CDH20: variants seen among roughly 807,000 people sequenced by gnomAD.
CDH20 encodes cadherin-20.
A neutral mutation model predicts 74.2 loss-of-function variants in CDH20; 29 were observed. The ratio of observed to expected loss-of-function variants is 0.39; its 90% CI spans 0.29 to 0.53. CDH20 has a LOEUF of 0.53. Among genes scored for constraint, CDH20 ranks in the 20% least tolerant of loss-of-function variants. CDH20 has a pLI of 0.69. For synonymous variants in CDH20, 469 were observed against 405.4 expected, an observed-to-expected ratio of 1.16 and a Z score of -1.88; for missense variants, 988 against 1,048.3, an observed-to-expected ratio of 0.94 and a Z score of 0.79.
At chr18:61,374,543 A>G (rs1478669145) in intron 1 of CDH20, among the ~76,000 whole-genome samples, 1 of 152,142 alleles carries the variant, frequency 6.6e-6, no homozygotes, top group East Asian at 1.9e-4. Flanking sequence ...TATTCTGCCC[A>G]TGTTTGTTTT....
At chr18:61,451,425 A>G (rs866766382) in intron 1 of CDH20, among the ~76,000 whole-genome samples, 51 of 152,234 alleles carry the variant, frequency 3.4e-4, no homozygotes, top group Middle Eastern at 6.8e-3. Context: ...ACATCTGGAT[A>G]GTGGGAATAC....
chr18:61,433,199 G>A (rs922787996), intron 1 of CDH20, among the ~76,000 whole-genome samples: 2 of 152,206 alleles, frequency 1.3e-5, no homozygotes, highest in Admixed American at 6.5e-5. Context: ...ACAAGGTAAT[G>A]TATATATATC....
chr18:61,454,767 CTT>C (rs1041072352), intron 1 of CDH20, among the ~76,000 whole-genome samples: 2 of 152,232 alleles, frequency 1.3e-5, no homozygotes, highest in Non-Finnish European at 2.9e-5. Flanking sequence ...TACCACCTGA[CTT>C]TGTAACTGCA....
At chr18:61,500,570 A>T in intron 4 of CDH20, 68 bp downstream of exon 4, 1 of 1,504,542 alleles carries the variant, frequency 6.6e-7, no homozygotes, top group East Asian at 2.3e-5. Context: ...GCTATGACAG[A>T]CCCAACTCTC....
chr18:61,474,422 C>G (rs1910295550), intron 1 of CDH20, among the ~76,000 whole-genome samples: 1 of 152,152 alleles, frequency 6.6e-6, no homozygotes, highest in Non-Finnish European at 1.5e-5. Context: ...CTTTAGGGCT[C>G]CATGGATTTC....
intron 8 of CDH20, among the ~76,000 whole-genome samples, chr18:61,537,914 A>G (rs1912867599): frequency 6.6e-6 from 1 of 152,252 alleles, no homozygotes; most frequent in African/African-American, 2.4e-5. Flanking sequence ...ATTATTAACC[A>G]AGAATAATTT....
chr18:61,393,658 T>C (rs188339229), intron 1 of CDH20, among the ~76,000 whole-genome samples: 149 of 152,362 alleles, frequency 9.8e-4, no homozygotes, highest in African/African-American at 3.4e-3. Context: ...ATACTCAATA[T>C]TTAGTCAACA....
intron 1 of CDH20, among the ~76,000 whole-genome samples, chr18:61,379,382 G>A (rs17809868): frequency 0.069 from 10,476 of 152,178 alleles, 460 homozygotes; most frequent in Non-Finnish European, 0.1. Flanking sequence ...GCTTTATTGA[G>A]GATGCCAAAC....
chr18:61,360,718 C>G (rs1024401051), intron 1 of CDH20, among the ~76,000 whole-genome samples: 5 of 152,286 alleles, frequency 3.3e-5, no homozygotes, highest in African/African-American at 1.2e-4. Context: ...GGAGAAGGAA[C>G]AGTGCATGAC....
intron 1 of CDH20, among the ~76,000 whole-genome samples, chr18:61,381,336 C>G (rs1040693737): frequency 6.6e-6 from 1 of 152,200 alleles, no homozygotes; most frequent in Non-Finnish European, 1.5e-5. Context: ...AGGCATTTTA[C>G]TTGGGTACTC....
At chr18:61,396,234 C>T (rs1911973793) in intron 1 of CDH20, among the ~76,000 whole-genome samples, 1 of 152,146 alleles carries the variant, frequency 6.6e-6, no homozygotes, top group Admixed American at 6.5e-5. Flanking sequence ...TTGCCCTTTC[C>T]TCTCCTGAAA....
intron 1 of CDH20, among the ~76,000 whole-genome samples, chr18:61,358,191 T>C (rs931745972): frequency 1.3e-5 from 2 of 151,220 alleles, no homozygotes; most frequent in African/African-American, 4.9e-5. Flanking sequence ...GTCTGCTCAC[T>C]GCAAGCTCTG....
intron 1 of CDH20, among the ~76,000 whole-genome samples, chr18:61,336,982 T>G (rs1909783936): frequency 6.6e-6 from 1 of 152,234 alleles, no homozygotes; most frequent in Non-Finnish European, 1.5e-5. Context: ...AGACAGCCTC[T>G]GCCAAAGATT....
intron 1 of CDH20, among the ~76,000 whole-genome samples, chr18:61,381,384 G>A (rs1043439255): frequency 3.3e-5 from 5 of 152,186 alleles, no homozygotes; most frequent in African/African-American, 1.2e-4. Context: ...AATACAAAAA[G>A]TAATGTTAGT....
intron 1 of CDH20, among the ~76,000 whole-genome samples, chr18:61,335,567 A>T (rs1223099991): frequency 6.6e-6 from 1 of 152,188 alleles, no homozygotes; most frequent in Non-Finnish European, 1.5e-5. Flanking sequence ...CTGTGAACCA[A>T]GCTCTCAGCA....
chr18:61,554,715 G>A lies in CDH20; in HGVS notation c.*20G>A, dbSNP rs774764607. ...TGGTGACGGAAGCCAGGAGGCAGGCGCGCGTCCAAATCCAGACGTTCTCCG... is the reference window on the plus strand; with the variant it reads ...TGGTGACGGAAGCCAGGAGGCAGGCACGCGTCCAAATCCAGACGTTCTCCG... On this transcript the variant is annotated 3_prime_UTR_variant, in exon 12 of 12. Coordinates refer to ENST00000262717, the MANE Select transcript of CDH20 (RefSeq NM_031891.4). 3 of 1,528,858 alleles carry A rather than the reference G, an allele frequency of 2.0e-6. No homozygotes were observed. Among genetic ancestry groups the A allele is most frequent in the African/African-American group, 1.4e-5 (1 of 73,474 alleles). The allele number at this position is 1,528,858 out of a possible 1,614,324, so 94.7% of individuals were successfully genotyped here. A position where few individuals can be genotyped will look rare whatever the true frequency, so the allele number is the denominator to read the frequency against.
At chr18:61,479,248 TATA>T (rs1447437448) in intron 1 of CDH20, among the ~76,000 whole-genome samples, 4 of 152,138 alleles carry the variant, frequency 2.6e-5, no homozygotes, top group Admixed American at 6.5e-5. Context: ...CTGAAAGACT[TATA>T]ATAAAAGGAA....
intron 1 of CDH20, among the ~76,000 whole-genome samples, chr18:61,418,350 C>A (rs550973469): frequency 6.6e-6 from 1 of 151,844 alleles, no homozygotes; most frequent in Non-Finnish European, 1.5e-5. Context: ...GTCAGGAGAT[C>A]GAGACCATAC....
At chr18:61,371,210 T>C (rs1436947520) in intron 1 of CDH20, among the ~76,000 whole-genome samples, 1 of 152,104 alleles carries the variant, frequency 6.6e-6, no homozygotes, top group Non-Finnish European at 1.5e-5. Flanking sequence ...TTTTCAAACT[T>C]CTCATTCATC....
Sources: gnomAD v4.1 joint callset for allele counts (sites outside exome capture counted in the v4.1 genomes callset) on GRCh38, gnomAD v4.1.1 for gene constraint, MANE v1.5 for transcripts, NCBI Gene and HGNC (gene_info 2026-07-23, HGNC 2026-07-21) for gene names.